Variants in PCDHA3 observed in about 807,000 individuals in gnomAD.
PCDHA3 encodes protocadherin alpha-3.
In PCDHA3, 41 loss-of-function variants were observed where a neutral mutation model predicts 62.2. The ratio of observed to expected loss-of-function variants is 0.66; its 90% CI spans 0.51 to 0.86. The LOEUF is 0.86. PCDHA3 is among the 40% of genes least tolerant of loss of function. PCDHA3 has a pLI of 0.00. For missense variants in PCDHA3, 1,304 were observed against 1,241.2 expected, an observed-to-expected ratio of 1.05 and a Z score of -0.76; for synonymous variants, 640 against 555.4, an observed-to-expected ratio of 1.15 and a Z score of -2.14.
At chr5:140,836,089 G>C (rs2150252436) in intron 1 of PCDHA3, 12 of 1,613,682 alleles carry the variant, frequency 7.4e-6, no homozygotes, top group South Asian at 5.5e-5. Context: ...CTGGCGCCTC[G>C]GGTGGGTGGC....
chr5:140,837,058 T>C, intron 1 of PCDHA3: 1 of 190,160 alleles, frequency 5.3e-6, no homozygotes, highest in Non-Finnish European at 1.1e-5. Flanking sequence ...TACATTTCCA[T>C]ATTTTGATAA....
intron 1 of PCDHA3, chr5:140,830,139 C>T (rs2150181764): frequency 3.1e-6 from 5 of 1,613,142 alleles, no homozygotes; most frequent in Admixed American, 3.3e-5. Context: ...TCACGGGCGT[C>T]GGTGGGCGCC....
chr5:140,830,660 T>A, intron 1 of PCDHA3: 1 of 411,746 alleles, frequency 2.4e-6, no homozygotes, highest in Non-Finnish European at 3.9e-6. Flanking sequence ...ATTCATAATT[T>A]AAGTGAAATT....
chr5:140,876,029 A>C, intron 1 of PCDHA3: 1 of 1,613,700 alleles, frequency 6.2e-7, no homozygotes, highest in Non-Finnish European at 8.5e-7. Context: ...AAAACAAAAA[A>C]AGATAAAAGT....
At position 140,870,851 on chromosome 5, in the gene PCDHA3, C is replaced by G. The variant is rs1562652583; in HGVS notation, c.2394+67260C>G. ...GCAGTTAACAAGCTAGTACCGCGGT[C>G]GGTGGGTGCGGGCCACGTGGTGGCG... is the stretch of plus-strand genomic sequence containing the variant. On this transcript the variant is annotated intron_variant, in intron 1 of 3. Transcript: ENST00000522353. The G allele has an allele frequency of 1.9e-6, 3 of 1,613,838 alleles. No homozygotes were observed. Among genetic ancestry groups the G allele is most frequent in the Non-Finnish European group, 2.5e-6 (3 of 1,179,894 alleles).
intron 1 of PCDHA3, chr5:140,869,167 G>T (rs782094054): frequency 1.2e-6 from 2 of 1,613,864 alleles, no homozygotes; most frequent in East Asian, 4.5e-5. Flanking sequence ...TCTCCTCCTC[G>T]AATTCTGGGA....
chr5:140,808,800 G>A, intron 1 of PCDHA3: 1 of 1,612,608 alleles, frequency 6.2e-7, no homozygotes, highest in African/African-American at 1.3e-5. Flanking sequence ...GTGACCGCTC[G>A]CGATGCCGGC....
At position 140,847,175 on chromosome 5, in the gene PCDHA3, G is replaced by A. The variant is rs1238681114; in HGVS notation, c.2394+43584G>A. ...TGATTTCTGAGTAATAAACTAAAGG[G>A]CCATGAGTGATTAAGGAATTTGGCC... is the stretch of plus-strand genomic sequence containing the variant. On this transcript the variant is annotated intron_variant, in intron 1 of 3. Transcript: ENST00000522353. Among the ~76,000 whole-genome samples the A allele has an allele frequency of 4.0e-5, 6 of 149,412 alleles. 2 individuals are homozygous for A. The highest frequency in any genetic ancestry group is 9.0e-5 in the Non-Finnish European group (6 of 66,808).
chr5:140,941,191 T>TTTCTTTCTTTCTTTCTTTC (rs1487503403), intron 1 of PCDHA3, among the ~76,000 whole-genome samples: 6 of 93,258 alleles, frequency 6.4e-5, no homozygotes, highest in Middle Eastern at 5.1e-3. Flanking sequence ...GCTTCTTTTT[T>TTTCTTTCTTTCTTTCTTTC]TTTCTTTCTT....
intron 1 of PCDHA3, among the ~76,000 whole-genome samples, chr5:140,806,272 T>A (rs1407708262): frequency 1.3e-5 from 2 of 152,168 alleles, no homozygotes; most frequent in South Asian, 2.1e-4. Flanking sequence ...AATATTCAGT[T>A]TGGCTAAAAT....
intron 1 of PCDHA3, chr5:140,824,274 A>G (rs2150133903): frequency 1.5e-4 from 169 of 1,155,556 alleles, no homozygotes; most frequent in Middle Eastern, 6.1e-4. Context: ...CATGTATTAT[A>G]TGCTTTTTAT....
rs193129915 is a variant in PCDHA3 at position 140,907,396 on chromosome 5, T to C, written c.2395-71553T>C. On this transcript the variant is annotated intron_variant, in intron 1 of 3. Coordinates refer to ENST00000522353, the MANE Select transcript of PCDHA3 (RefSeq NM_018906.3). The stretch of plus-strand genomic sequence containing the variant: ...TGAGTGCCTTGGTCAAAGGCAATGC[T>C]GTGTGGAATACCACGATGGTGGATA... Among the ~76,000 whole-genome samples, 1,220 of 152,314 alleles carry C rather than the reference T, an allele frequency of 8.0e-3. 6 individuals are homozygous for C. Among genetic ancestry groups the C allele is most frequent in the African/African-American group, 0.019 (787 of 41,564 alleles).
intron 3 of PCDHA3, among the ~76,000 whole-genome samples, chr5:140,999,159 G>T (rs1056236953): frequency 6.6e-6 from 1 of 152,182 alleles, no homozygotes; most frequent in Non-Finnish European, 1.5e-5. Flanking sequence ...CAGTCCCCTA[G>T]AAGGAAAAGA....
chr5:140,836,724 T>C (rs2150268487), intron 1 of PCDHA3: 3 of 1,611,936 alleles, frequency 1.9e-6, no homozygotes, highest in Admixed American at 3.3e-5. Context: ...TCAGGGTCCA[T>C]CCTCTACAGA....
chr5:140,838,953 TA>T (rs1215369641), intron 1 of PCDHA3, among the ~76,000 whole-genome samples: 1 of 151,860 alleles, frequency 6.6e-6, no homozygotes, highest in Non-Finnish European at 1.5e-5. Flanking sequence ...TAAAATAAAA[TA>T]AAAACCCAGA....
chr5:140,833,764 A>ACACACG (rs564524139), intron 1 of PCDHA3, among the ~76,000 whole-genome samples: 1 of 151,920 alleles, frequency 6.6e-6, no homozygotes, highest in African/African-American at 2.4e-5. Flanking sequence ...ACACACACAC[A>ACACACG]CACCGCTTTC....
intron 1 of PCDHA3, chr5:140,927,658 C>G (rs782350503): frequency 6.2e-7 from 1 of 1,614,094 alleles, no homozygotes; most frequent in East Asian, 2.2e-5. Context: ...ATTCCGAGTT[C>G]AAGCCTTGGA....
intron 3 of PCDHA3, among the ~76,000 whole-genome samples, chr5:141,007,590 GATA>G (rs1332143320): frequency 4.0e-5 from 6 of 151,858 alleles, no homozygotes; most frequent in Non-Finnish European, 8.8e-5. Context: ...TAATAATCAT[GATA>G]ATAATAAAAG....
Position 140,802,472 on chromosome 5 carries a change from G to T in PCDHA3, c.1275G>T (p.Val425=), listed in dbSNP as rs1366782376. 1 of 1,614,102 alleles carries T rather than the reference G, an allele frequency of 6.2e-7. No homozygotes were observed. The highest frequency in any genetic ancestry group is 1.3e-5 in the African/African-American group (1 of 74,952). Residue 425 remains valine (V), a synonymous_variant, in exon 1 of 4, where the codon GTG becomes GTT. Transcript: ENST00000522353. The part of the protein sequence containing the change: ...RESVSAYELV[V]TARDGGSPSL... ...GCGTGTCGGCCTATGAGCTGGTGGT[G>T]ACTGCTCGGGACGGGGGCTCGCCTT...
Sources: gnomAD v4.1 joint callset for allele counts (sites outside exome capture counted in the v4.1 genomes callset) on GRCh38, gnomAD v4.1.1 for gene constraint, MANE v1.5 for transcripts, NCBI Gene and HGNC (gene_info 2026-07-23, HGNC 2026-07-21) for gene names.